The following NOS1 variants were observed in gnomAD, a reference collection of about 807,000 sequenced individuals.
The protein encoded by NOS1 is nitric oxide synthase 1.
Under a neutral mutation model 164.5 loss-of-function variants are expected in NOS1, and 51 were observed. The ratio of observed to expected loss-of-function variants is 0.31; its 90% CI spans 0.25 to 0.39. The LOEUF (loss-of-function observed/expected upper bound fraction) is 0.39. Among genes scored for constraint, NOS1 ranks in the 10% least tolerant of loss-of-function variants. The probability of loss-of-function intolerance (pLI) is 1.00; values close to 1 mark genes in which losing one functional copy is unlikely to be tolerated. For missense variants in NOS1, 1,362 were observed against 1,885.6 expected, an observed-to-expected ratio of 0.72 and a Z score of 5.14; for synonymous variants, 719 against 745.8, an observed-to-expected ratio of 0.96 and a Z score of 0.59.
chr12:117,217,932 T>G, intron 28 of NOS1, 114 bp downstream of exon 28: 1 of 762,850 alleles, frequency 1.3e-6, no homozygotes, highest in Non-Finnish European at 2.3e-6. Flanking sequence ...TCCCAGATGG[T>G]GCTGATGCTG....
intron 1 of NOS1, among the ~76,000 whole-genome samples, chr12:117,336,657 C>T (rs1003640576): frequency 6.6e-6 from 1 of 152,200 alleles, no homozygotes; most frequent in African/African-American, 2.4e-5. Flanking sequence ...ATTTAAAAAA[C>T]AAAAAACAAA....
intron 24 of NOS1, among the ~76,000 whole-genome samples, chr12:117,225,790 T>C (rs370650721): frequency 1.6e-4 from 24 of 152,244 alleles, no homozygotes; most frequent in African/African-American, 5.5e-4. Flanking sequence ...CACCCTCGGC[T>C]ACTTTTTTTT....
chr12:117,253,334 T>C (rs934191931), intron 17 of NOS1, among the ~76,000 whole-genome samples: 2 of 152,100 alleles, frequency 1.3e-5, no homozygotes, highest in African/African-American at 4.8e-5. Context: ...GGGCAGCTCA[T>C]TGAGCAATAT....
At chr12:117,221,818 ATTTTTTTTT>A (rs3070338) in intron 26 of NOS1, among the ~76,000 whole-genome samples, 148 of 111,564 alleles carry the variant, frequency 1.3e-3, no homozygotes, top group Admixed American at 2.0e-3. Context: ...GCTAACTTAA[ATTTTTTTTT>A]TTTTTTTTTT....
chr12:117,266,864 T>A lies in NOS1; in HGVS notation c.1941+1179A>T, dbSNP rs530831011. ...GTTTTCATTGTTCATCTCAATTACA[T>A]CCCTGTTGTCTCTGGCTTGACAGAC... On this transcript the variant is annotated intron_variant, in intron 11 of 28. Coordinates refer to ENST00000317775, the MANE Select transcript of NOS1 (RefSeq NM_000620.5). Among the ~76,000 whole-genome samples, 11 of 152,250 alleles carry A rather than the reference T, an allele frequency of 7.2e-5. No individual in the cohort carries two copies. The South Asian group carries it at 2.3e-3, about 32-fold the overall frequency.
chr12:117,280,240 G>C (rs1278642295), intron 8 of NOS1, among the ~76,000 whole-genome samples: 1 of 152,202 alleles, frequency 6.6e-6, no homozygotes, highest in Non-Finnish European at 1.5e-5. Context: ...GACAGACAAA[G>C]TCAAGCCTAC....
At chr12:117,359,199 G>A (rs1338336844) in intron 1 of NOS1, among the ~76,000 whole-genome samples, 1 of 134,722 alleles carries the variant, frequency 7.4e-6, no homozygotes, top group Non-Finnish European at 1.6e-5. Context: ...AGGGGCCGGG[G>A]CCCGCCGTGG....
chr12:117,355,912 A>G (rs563743613), intron 1 of NOS1, among the ~76,000 whole-genome samples: 6 of 152,204 alleles, frequency 3.9e-5, no homozygotes, highest in African/African-American at 1.4e-4. Flanking sequence ...GGTGCACGCC[A>G]CCACACCTGG....
chr12:117,233,963 G>A (rs1869486276), intron 21 of NOS1, among the ~76,000 whole-genome samples: 1 of 152,078 alleles, frequency 6.6e-6, no homozygotes, highest in African/African-American at 2.4e-5. Context: ...GTATTGGTCT[G>A]CCAGGTAAGC....
intron 28 of NOS1, 89 bp from the exon 29 acceptor site, chr12:117,215,413 C>A: frequency 7.3e-7 from 1 of 1,374,402 alleles, no homozygotes; most frequent in South Asian, 2.1e-5. Flanking sequence ...CACCCATGCT[C>A]TGGGCTCAGG....
In NOS1 at chr12:117,209,956, T is replaced by G; in HGVS notation, c.*5353A>C. 1 of 985,504 alleles carries G rather than the reference T, an allele frequency of 1.0e-6. No homozygotes were observed. Among genetic ancestry groups the G allele is most frequent in the Non-Finnish European group, 1.2e-6 (1 of 830,064 alleles). The allele number at this position is 985,504 out of a possible 1,614,324, so 61.0% of individuals were successfully genotyped here. A position where few individuals can be genotyped will look rare whatever the true frequency, so the allele number is the denominator to read the frequency against. Reference sequence around the variant, plus strand: ...GACCCTCAGACCTGTGTTTCCTTAATCCCAGCACCTGGTCTTTCATTTTAA... The same window carrying G: ...GACCCTCAGACCTGTGTTTCCTTAAGCCCAGCACCTGGTCTTTCATTTTAA... On this transcript the variant is annotated 3_prime_UTR_variant, in exon 29 of 29. Coordinates refer to ENST00000317775, the MANE Select transcript of NOS1 (RefSeq NM_000620.5).
At chr12:117,253,571 A>T in intron 17 of NOS1, 67 bp downstream of exon 17, 1 of 1,042,198 alleles carries the variant, frequency 9.6e-7, no homozygotes, top group Non-Finnish European at 1.5e-6. Context: ...CTCACTTTGT[A>T]AGTAGGTCAA....
intron 20 of NOS1, among the ~76,000 whole-genome samples, chr12:117,241,970 GA>G (rs1474593127): frequency 1.3e-5 from 2 of 152,206 alleles, no homozygotes; most frequent in Non-Finnish European, 2.9e-5. Context: ...TGACTTGAAG[GA>G]ATCAGGCCCC....
intron 25 of NOS1, among the ~76,000 whole-genome samples, chr12:117,224,672 C>T (rs1358085991): frequency 6.6e-6 from 1 of 152,232 alleles, no homozygotes; most frequent in African/African-American, 2.4e-5. Context: ...TTTCACATAG[C>T]ACTTGCTCTT....
At chr12:117,318,328 T>C (rs1874760216) in intron 2 of NOS1, among the ~76,000 whole-genome samples, 1 of 152,162 alleles carries the variant, frequency 6.6e-6, no homozygotes, top group African/African-American at 2.4e-5. Flanking sequence ...TGGCCCAGGC[T>C]CTAGCAGTAG....
At chr12:117,242,485 C>T in intron 20 of NOS1, 142 bp downstream of exon 20, 1 of 706,774 alleles carries the variant, frequency 1.4e-6, no homozygotes, top group South Asian at 1.7e-5. Context: ...ACCCCAGACA[C>T]TATAAAGCAG....
chr12:117,219,109 G>A (rs1375902864), intron 27 of NOS1, among the ~76,000 whole-genome samples: 3 of 151,580 alleles, frequency 2.0e-5, no homozygotes, highest in Non-Finnish European at 2.9e-5. Flanking sequence ...CTCCTGAGCA[G>A]CTGGGACTAC....
Position 117,330,277 on chromosome 12 carries a change from C to T in NOS1, c.725+68G>A, listed in dbSNP as rs374430706. On this transcript the variant is annotated intron_variant, in intron 2 of 28. Transcript: ENST00000317775. This position sits in a 1 kb window ranked among gnomAD's most constrained non-coding sequence, Gnocchi z 4.6. ...GGCTATGAGGCTGAGTCTCAGTAGA[C>T]GCACATGCACACACACAAGCATGCA... 44 of 1,511,384 alleles carry T rather than the reference C, an allele frequency of 2.9e-5. No individual in the cohort carries two copies. Among genetic ancestry groups the T allele is most frequent in the Admixed American group, 1.0e-4 (5 of 47,816 alleles). 93.6% of individuals were successfully genotyped at this position (1,511,384 alleles called of 1,614,324 possible).
At chr12:117,303,128 C>T (rs544344824) in intron 3 of NOS1, among the ~76,000 whole-genome samples, 2 of 152,110 alleles carry the variant, frequency 1.3e-5, no homozygotes, top group Non-Finnish European at 2.9e-5. Context: ...AGGTTGTCTC[C>T]AAGAGGCAGA....
Sources: allele counts gnomAD v4.1 joint callset (sites outside exome capture counted in the v4.1 genomes callset), GRCh38; gene constraint gnomAD v4.1.1; non-coding constraint Gnocchi (gnomAD v3.1); transcripts MANE v1.5; gene names NCBI Gene and HGNC (gene_info 2026-07-23, HGNC 2026-07-21).